YES1: variants seen among roughly 807,000 people sequenced by gnomAD.
The protein encoded by YES1 is tyrosine-protein kinase Yes.
YES1 carries 39 observed loss-of-function variants against 70.4 expected under a neutral mutation model. The ratio of observed to expected loss-of-function variants is 0.55; its 90% CI spans 0.43 to 0.72. The LOEUF is 0.72. YES1 is among the 30% of genes least tolerant of loss of function. The probability of loss-of-function intolerance (pLI) is 0.00; values close to 1 mark genes in which losing one functional copy is unlikely to be tolerated. For missense variants in YES1, 495 were observed against 644.8 expected, an observed-to-expected ratio of 0.77 and a Z score of 2.52; for synonymous variants, 198 against 218.6, an observed-to-expected ratio of 0.91 and a Z score of 0.83.
Position 792,361 on chromosome 18 carries a change from A to C in YES1, c.-9+19753T>G, listed in dbSNP as rs986337562. On this transcript the variant is annotated intron_variant, in intron 1 of 11. Transcript: ENST00000314574. ...ATATTTACCATTTTGGATTTGGGTT[A>C]AAAAAATAAAATAAAAAATAAAGAA... 9.9e-5 allele frequency among the ~76,000 whole-genome samples: 15 copies of C among 152,174 alleles called. 1 individual carries two copies. The highest frequency in any genetic ancestry group is 2.9e-4 in the African/African-American group (12 of 41,528).
chr18:766,453 G>T (rs566106260), intron 1 of YES1, among the ~76,000 whole-genome samples: 1 of 151,756 alleles, frequency 6.6e-6, no homozygotes, highest in African/African-American at 2.4e-5. Context: ...TACATGATTA[G>T]TGAAAGATGA....
intron 1 of YES1, among the ~76,000 whole-genome samples, chr18:770,266 AT>A (rs1487583855): frequency 6.7e-5 from 7 of 104,164 alleles, no homozygotes; most frequent in Admixed American, 1.0e-4. Flanking sequence ...CGGCCCTTTT[AT>A]CTTTTTTTTT....
chr18:734,687 A>G (rs980912623), intron 10 of YES1, among the ~76,000 whole-genome samples: 1 of 143,634 alleles, frequency 7.0e-6, no homozygotes, highest in East Asian at 2.0e-4. Flanking sequence ...ATGAATAAGT[A>G]AAAAAAAAAA....
At chr18:752,089 T>C (rs920973617) in intron 2 of YES1, among the ~76,000 whole-genome samples, 2 of 152,172 alleles carry the variant, frequency 1.3e-5, no homozygotes, top group African/African-American at 4.8e-5. Context: ...TAAAACTCTG[T>C]AGACTTGGAG....
At chr18:774,258 G>C (rs979829819) in intron 1 of YES1, among the ~76,000 whole-genome samples, 1 of 152,136 alleles carries the variant, frequency 6.6e-6, no homozygotes, top group Non-Finnish European at 1.5e-5. Context: ...TTGCCGAAAA[G>C]ACTTCTCCAT....
At chr18:769,765 A>G (rs187513126) in intron 1 of YES1, among the ~76,000 whole-genome samples, 46 of 152,224 alleles carry the variant, frequency 3.0e-4, no homozygotes, top group Admixed American at 8.5e-4. Context: ...TGCATTCTTG[A>G]GATAAAACCC....
chr18:757,457 C>G (rs371657302), intron 1 of YES1, among the ~76,000 whole-genome samples: 2 of 147,266 alleles, frequency 1.4e-5, no homozygotes, highest in African/African-American at 5.1e-5. Context: ...GAGCAGAGAT[C>G]GCGCCACTGC....
At chr18:728,894 TG>T (rs1232693352) in intron 11 of YES1, among the ~76,000 whole-genome samples, 6 of 152,248 alleles carry the variant, frequency 3.9e-5, no homozygotes, top group Non-Finnish European at 5.9e-5. Context: ...CTTTGATTTT[TG>T]TAATTTGACC....
intron 1 of YES1, among the ~76,000 whole-genome samples, chr18:784,801 A>G (rs1044823508): frequency 2.6e-5 from 4 of 152,226 alleles, no homozygotes. Context: ...CTACCTGGAT[A>G]AGCCAGGATA....
chr18:802,486 G>T (rs1227835584), intron 1 of YES1, among the ~76,000 whole-genome samples: 1 of 150,122 alleles, frequency 6.7e-6, no homozygotes, highest in Non-Finnish European at 1.5e-5. Flanking sequence ...AGAGGTTGCA[G>T]TGAGCGGAGA....
Position 724,324 on chromosome 18 carries a change from T to C in YES1, c.*100A>G, listed in dbSNP as rs1357046114. ...GGATTCCAGTTTACCATTAAAAACA[T>C]GCAGAGTAAAGAAGATTTTCTTCTT... On this transcript the variant is annotated 3_prime_UTR_variant, in exon 12 of 12. Coordinates refer to ENST00000314574, the MANE Select transcript of YES1 (RefSeq NM_005433.4). 6.0e-6 allele frequency: 7 copies of C among 1,164,306 alleles called. No individual in the cohort carries two copies. Among genetic ancestry groups the C allele is most frequent in the Non-Finnish European group, 8.4e-6 (7 of 830,260 alleles). The allele number at this position is 1,164,306 out of a possible 1,614,324, so 72.1% of individuals were successfully genotyped here. A position where few individuals can be genotyped will look rare whatever the true frequency, so the allele number is the denominator to read the frequency against.
At chr18:774,438 T>C (rs1183642453) in intron 1 of YES1, among the ~76,000 whole-genome samples, 1 of 152,174 alleles carries the variant, frequency 6.6e-6, no homozygotes, top group Non-Finnish European at 1.5e-5. Context: ...ATTTCAAATT[T>C]AACATTTCCA....
intron 1 of YES1, among the ~76,000 whole-genome samples, chr18:771,647 C>T (rs1263173237): frequency 3.3e-5 from 5 of 152,102 alleles, no homozygotes; most frequent in African/African-American, 4.8e-5. Context: ...CTCCCGGTCT[C>T]AAACTATCCT....
At chr18:725,610 C>T (rs538528261) in intron 11 of YES1, among the ~76,000 whole-genome samples, 3 of 152,034 alleles carry the variant, frequency 2.0e-5, no homozygotes, top group African/African-American at 7.2e-5. Context: ...GAAATCTGGC[C>T]GGGCACAGTG....
intron 1 of YES1, among the ~76,000 whole-genome samples, chr18:781,822 A>G (rs1905685459): frequency 6.6e-6 from 1 of 152,088 alleles, no homozygotes; most frequent in South Asian, 2.1e-4. Context: ...AACTGATATC[A>G]TATGCAAAGC....
rs543417190 is a variant in YES1, at chr18:799,457, C to G, written c.-9+12657G>C. Among the ~76,000 whole-genome samples the G allele has an allele frequency of 2.6e-5, 4 of 152,302 alleles. No individual in the cohort carries two copies. The East Asian group carries it at 7.7e-4, about 29-fold the overall frequency. On this transcript the variant is annotated intron_variant, in intron 1 of 11. Transcript: ENST00000314574. The stretch of plus-strand genomic sequence containing the variant: ...GGGCATGGTGGCTCACGCCTGTAAT[C>G]CCAGCACTCTGGGAGGCCAAGGTGG...
At chr18:735,258 T>A (rs1004345182) in intron 10 of YES1, among the ~76,000 whole-genome samples, 1 of 151,700 alleles carries the variant, frequency 6.6e-6, no homozygotes, top group Non-Finnish European at 1.5e-5. Context: ...TAAATGACCA[T>A]TGACCAATGA....
intron 6 of YES1, among the ~76,000 whole-genome samples, chr18:744,898 T>C: frequency 6.6e-6 from 1 of 151,986 alleles, no homozygotes; most frequent in East Asian, 1.9e-4. Flanking sequence ...ACTTATGAAT[T>C]CTGCTTATAC....
rs746617543 is a variant in YES1 at position 739,822 on chromosome 18, C to T, written c.1061-11G>A. The T allele has an allele frequency of 6.3e-7, 1 of 1,599,322 alleles. No individual in the cohort carries two copies. Among genetic ancestry groups the T allele is most frequent in the Non-Finnish European group, 8.5e-7 (1 of 1,173,174 alleles). Reference sequence around the variant, plus strand: ...AATCTAATAAGCTTCCTGTAACAGACAGCAAGATATTCATAAAAAATAAGC... The same window carrying T: ...AATCTAATAAGCTTCCTGTAACAGATAGCAAGATATTCATAAAAAATAAGC... On this transcript the variant is annotated splice_polypyrimidine_tract_variant and intron_variant, in intron 8 of 11. Transcript: ENST00000314574.
Sources: allele counts gnomAD v4.1 joint callset (sites outside exome capture counted in the v4.1 genomes callset), GRCh38; gene constraint gnomAD v4.1.1; transcripts MANE v1.5; gene names NCBI Gene and HGNC (gene_info 2026-07-23, HGNC 2026-07-21).